Variants in DNAJC4 observed in about 807,000 individuals in gnomAD.
DNAJC4 encodes the protein DnaJ heat shock protein family (Hsp40) member C4, also known as dnaJ homolog subfamily C member 4.
Under a neutral mutation model 26.8 loss-of-function variants are expected in DNAJC4, and 26 were observed. The ratio of observed to expected loss-of-function variants is 0.97; its 90% CI spans 0.71 to 1.34. DNAJC4 has a LOEUF of 1.34. DNAJC4 is among the 40% of genes most tolerant of loss of function. The pLI, the probability that DNAJC4 is intolerant of heterozygous loss-of-function variation, is 0.00. For missense variants in DNAJC4, 342 were observed against 321.1 expected, an observed-to-expected ratio of 1.07 and a Z score of -0.50; for synonymous variants, 134 against 127.8, an observed-to-expected ratio of 1.05 and a Z score of -0.33.
Position 64,232,418 on chromosome 11 carries a change from G to A in DNAJC4, c.181-12G>A. 1.3e-6 allele frequency: 2 copies of A among 1,564,882 alleles called. No homozygotes were observed. The highest frequency in any genetic ancestry group is 1.7e-6 in the Non-Finnish European group (2 of 1,153,586). On this transcript the variant is annotated splice_polypyrimidine_tract_variant and intron_variant, in intron 2 of 5. Coordinates refer to ENST00000628077, the MANE Select transcript of DNAJC4 (RefSeq NM_005528.4). ...GGCAAAGGGAGATAAGGGGAGTCCT[G>A]CCCCACCCCAGCTGCACCCAGACCG...
intron 1 of DNAJC4, 32 bp downstream of exon 1, chr11:64,230,972 T>C: frequency 6.5e-7 from 1 of 1,536,838 alleles, no homozygotes; most frequent in Non-Finnish European, 8.7e-7. Flanking sequence ...GGCCCGGTTG[T>C]TCAATGGGTT....
At chr11:64,231,813 G>A (rs1947179818) in intron 1 of DNAJC4, 58 bp from the exon 2 acceptor site, 3 of 1,549,678 alleles carry the variant, frequency 1.9e-6, no homozygotes, top group African/African-American at 2.7e-5. Flanking sequence ...CAGAAGGCAG[G>A]GCAGAGCTAG....
Position 64,230,783 on chromosome 11 carries a change from G to A in DNAJC4, c.-72G>A, listed in dbSNP as rs1947164102. On this transcript the variant is annotated 5_prime_UTR_variant, in exon 1 of 6. Transcript: ENST00000628077. Reference sequence around the variant, plus strand: ...AGGCCCCTTCCCTCTGCCCCCGGGTGCTTGAAGTCTAGCCCCATCCTGGTC... The same window carrying A: ...AGGCCCCTTCCCTCTGCCCCCGGGTACTTGAAGTCTAGCCCCATCCTGGTC... The A allele has an allele frequency of 1.9e-6, 3 of 1,539,762 alleles. No homozygotes were observed. The highest frequency in any genetic ancestry group is 4.8e-5 in the East Asian group (2 of 41,450).
chr11:64,232,887 G>C, intron 4 of DNAJC4, 22 bp downstream of exon 4: 2 of 1,552,858 alleles, frequency 1.3e-6, no homozygotes, highest in Non-Finnish European at 1.7e-6. Flanking sequence ...TCTCCCCGGG[G>C]TGATGGGCAG....
rs753541691 is a variant in DNAJC4 at position 64,232,793 on chromosome 11, AAAAC to A, written c.462_465del (p.Gln155CysfsTer23). 24 of 1,613,276 alleles carry A rather than the reference AAAAC, an allele frequency of 1.5e-5. No homozygotes were observed. The East Asian group carries it at 2.0e-4, about 13-fold the overall frequency. On this transcript the variant is annotated frameshift_variant, in exon 4 of 6. Transcript: ENST00000628077. LOFTEE classifies it high-confidence loss of function. ...CAGTTGAGGCAGCAGCAACACAAAC[AAAAC>A]AAACAAGTGCTGGGGTACTGCCTCC...
Position 64,232,920 on chromosome 11 carries a change from C to T in DNAJC4, c.527+55C>T, listed in dbSNP as rs1000548533. 2.0e-6 allele frequency: 3 copies of T among 1,503,244 alleles called. No homozygotes were observed. The African/African-American group carries it at 4.2e-5, about 21-fold the overall frequency. 93.1% of individuals were successfully genotyped at this position (1,503,244 alleles called of 1,614,324 possible). On this transcript the variant is annotated intron_variant, in intron 4 of 5. Coordinates refer to ENST00000628077, the MANE Select transcript of DNAJC4 (RefSeq NM_005528.4). ...CAGAGGGCAGGAGGGTGGGTGAATTCCAGTGTGGTCAGCCAGTCCTCCACA... is the reference window on the plus strand; with the variant it reads ...CAGAGGGCAGGAGGGTGGGTGAATTTCAGTGTGGTCAGCCAGTCCTCCACA...
intron 4 of DNAJC4, 175 bp from the exon 5 acceptor site, chr11:64,233,719 A>T: frequency 1.2e-6 from 1 of 819,566 alleles, no homozygotes; most frequent in Non-Finnish European, 1.9e-6. Context: ...ATTGGACCCT[A>T]GACAAGCCAG....
Position 64,230,578 on chromosome 11 carries a change from G to C in DNAJC4, c.-277G>C, listed in dbSNP as rs1231405796. On this transcript the variant is annotated 5_prime_UTR_variant, in exon 1 of 6. Transcript: ENST00000628077. ...CTTCTCCCGTCCCCAAGTTCCCTGG[G>C]TGGGAACGGGGTCTTGGGGTCCCTG... The C allele has an allele frequency of 3.3e-6, 2 of 609,110 alleles. No individual in the cohort carries two copies. Among genetic ancestry groups the C allele is most frequent in the African/African-American group, 1.9e-5 (1 of 53,960 alleles). The allele number at this position is 609,110 out of a possible 1,614,324, so 37.7% of individuals were successfully genotyped here.
At position 64,233,888 on chromosome 11, in the gene DNAJC4, T is replaced by C. The variant is rs146367922; in HGVS notation, c.528-6T>C. On this transcript the variant is annotated splice_polypyrimidine_tract_variant and splice_region_variant and intron_variant, in intron 4 of 5. Coordinates refer to ENST00000628077, the MANE Select transcript of DNAJC4 (RefSeq NM_005528.4). ...GATTCCCAGGGTTAATTGTGACCCA[T>C]TGCAGGAAGGTGAAGCAGATGCACC... The C allele has an allele frequency of 1.2e-5, 19 of 1,612,384 alleles. No individual in the cohort carries two copies. The highest frequency in any genetic ancestry group is 1.7e-4 in the Middle Eastern group (1 of 6,058).
At chr11:64,231,342 C>CTTTTT (rs35004947) in intron 1 of DNAJC4, 13 of 148,232 alleles carry the variant, frequency 8.8e-5, no homozygotes, top group South Asian at 3.9e-4. Flanking sequence ...TCTCTTTTTC[C>CTTTTT]TTTTTTTTTT....
intron 1 of DNAJC4, chr11:64,231,658 A>G (rs1305104186): frequency 3.8e-6 from 2 of 523,926 alleles, no homozygotes; most frequent in Non-Finnish European, 6.8e-6. Context: ...GTTTTTTCCA[A>G]CAAGTTTTTG....
intron 2 of DNAJC4, 48 bp downstream of exon 2, chr11:64,232,012 G>A: frequency 1.9e-6 from 3 of 1,586,226 alleles, no homozygotes; most frequent in Non-Finnish European, 2.6e-6. Context: ...CTTTGAGCCA[G>A]TGGGGGTGTG....
chr11:64,231,598 C>T (rs1449071036), intron 1 of DNAJC4: 1 of 367,710 alleles, frequency 2.7e-6, no homozygotes, highest in East Asian at 4.9e-5. Flanking sequence ...TCCTCGGCCT[C>T]CCAAAATGCT....
At chr11:64,232,240 G>C (rs1947185565) in intron 2 of DNAJC4, 190 bp from the exon 3 acceptor site, 1 of 778,926 alleles carries the variant, frequency 1.3e-6, no homozygotes, top group African/African-American at 1.8e-5. Flanking sequence ...CAGGTGGGGA[G>C]GGCTTGAACA....
At chr11:64,233,759 AGGAAG>A in intron 4 of DNAJC4, 130 bp from the exon 5 acceptor site, 1 of 1,214,804 alleles carries the variant, frequency 8.2e-7, no homozygotes, top group Non-Finnish European at 1.2e-6. Flanking sequence ...TATCTATCAC[AGGAAG>A]GGTTAGACTG....
Position 64,230,789 on chromosome 11 carries a change from A to G in DNAJC4, c.-66A>G. On this transcript the variant is annotated 5_prime_UTR_variant, in exon 1 of 6. Transcript: ENST00000628077. The stretch of plus-strand genomic sequence containing the variant: ...CTTCCCTCTGCCCCCGGGTGCTTGA[A>G]GTCTAGCCCCATCCTGGTCCAATGC... 1 of 1,550,082 alleles carries G rather than the reference A, an allele frequency of 6.5e-7. No individual in the cohort carries two copies. Among genetic ancestry groups the G allele is most frequent in the Non-Finnish European group, 8.7e-7 (1 of 1,147,878 alleles).
Position 64,234,009 on chromosome 11 carries a change from C to A in DNAJC4, c.614+29C>A. 1.2e-6 allele frequency: 2 copies of A among 1,614,062 alleles called. No homozygotes were observed. The highest frequency in any genetic ancestry group is 1.7e-6 in the Non-Finnish European group (2 of 1,180,028). On this transcript the variant is annotated intron_variant, in intron 5 of 5. Coordinates refer to ENST00000628077, the MANE Select transcript of DNAJC4 (RefSeq NM_005528.4). The surrounding 1 kb of genome is among the most constrained non-coding windows in gnomAD (Gnocchi z 5.3). ...TGTCCCTGCTCTATTCTGCTCCCTG[C>A]TCCCTGTCCAGGAACCACACTTCGG...
chr11:64,233,082 A>C, intron 4 of DNAJC4: 1 of 460,490 alleles, frequency 2.2e-6, no homozygotes, highest in Non-Finnish European at 3.6e-6. Context: ...CATATTTCGA[A>C]TGTAAATCTT....
chr11:64,230,485 T>A, upstream of DNAJC4: 1 of 546,548 alleles, frequency 1.8e-6, no homozygotes, highest in Non-Finnish European at 3.5e-6. Flanking sequence ...GGGGCCTGAA[T>A]AGACGCAGGA....
Sources: gnomAD v4.1 joint callset for allele counts on GRCh38, gnomAD v4.1.1 for gene constraint, Gnocchi (gnomAD v3.1) non-coding constraint, MANE v1.5 for transcripts, NCBI Gene and HGNC (gene_info 2026-07-23, HGNC 2026-07-21) for gene names.